Variants in TDRP observed in about 807,000 individuals in gnomAD.
TDRP encodes the protein testis development related protein, also known as testis development-related protein.
A neutral mutation model predicts 10.5 loss-of-function variants in TDRP; 12 were observed. The observed-to-expected ratio is 1.15, with a 90% CI of 0.73 to 1.86. The LOEUF (loss-of-function observed/expected upper bound fraction) is 1.86. TDRP is among the 40% of genes most tolerant of loss of function. The pLI is 0.00. For missense variants in TDRP, 353 were observed against 229.2 expected, an observed-to-expected ratio of 1.54 and a Z score of -3.49; for synonymous variants, 139 against 95.4, an observed-to-expected ratio of 1.46 and a Z score of -2.67.
intron 1 of TDRP, among the ~76,000 whole-genome samples, chr8:521,981 T>C (rs968238742): frequency 6.6e-6 from 1 of 152,232 alleles, no homozygotes; most frequent in Admixed American, 6.5e-5. Context: ...ATAAGTGTTT[T>C]ATTAATTGTT....
chr8:510,768 C>G (rs1234804865), intron 1 of TDRP, among the ~76,000 whole-genome samples: 1 of 152,212 alleles, frequency 6.6e-6, no homozygotes, highest in African/African-American at 2.4e-5. Context: ...GAACTCCATA[C>G]AGCAACTCAT....
upstream of TDRP, chr8:545,590 C>A (rs1467642244): frequency 6.6e-6 from 1 of 152,208 alleles, no homozygotes; most frequent in Non-Finnish European, 1.5e-5. Flanking sequence ...GGAGGGGGCA[C>A]AGTCCGCGGA....
intron 1 of TDRP, among the ~76,000 whole-genome samples, chr8:524,706 G>T (rs969183270): frequency 6.6e-6 from 1 of 152,154 alleles, no homozygotes; most frequent in African/African-American, 2.4e-5. Context: ...GAATTGATGA[G>T]GCAGAAGAAA....
chr8:491,422 C>G lies in TDRP; in HGVS notation c.*977G>C. On this transcript the variant is annotated 3_prime_UTR_variant, in exon 3 of 3. Coordinates refer to ENST00000324079, the MANE Select transcript of TDRP (RefSeq NM_001384899.1). ...GGATCACATTGTCAAGGACAGTAAGCAGACAGAAAAAGAACGCGAGAGATG... is the reference window on the plus strand; with the variant it reads ...GGATCACATTGTCAAGGACAGTAAGGAGACAGAAAAAGAACGCGAGAGATG... The G allele has an allele frequency of 2.0e-6, 1 of 500,308 alleles. No individual in the cohort carries two copies. The highest frequency in any genetic ancestry group is 3.4e-6 in the Non-Finnish European group (1 of 296,884). The allele number at this position is 500,308 out of a possible 1,614,324, so 31.0% of individuals were successfully genotyped here.
At chr8:496,771 G>A (rs1294240980) in intron 1 of TDRP, among the ~76,000 whole-genome samples, 1 of 152,216 alleles carries the variant, frequency 6.6e-6, no homozygotes, top group African/African-American at 2.4e-5. Flanking sequence ...CCATGTGTCA[G>A]GGGAGGGACC....
intron 1 of TDRP, among the ~76,000 whole-genome samples, chr8:512,494 A>G (rs1429583955): frequency 6.6e-6 from 1 of 152,098 alleles, no homozygotes; most frequent in African/African-American, 2.4e-5. Context: ...AAAAAAGAAG[A>G]CTTAAATTAC....
At chr8:495,896 G>A (rs931206025) in intron 1 of TDRP, among the ~76,000 whole-genome samples, 8 of 152,204 alleles carry the variant, frequency 5.3e-5, no homozygotes, top group African/African-American at 1.9e-4. Context: ...CAGGGACTAA[G>A]GGGTCCCACT....
intron 1 of TDRP, among the ~76,000 whole-genome samples, chr8:527,336 T>C (rs566099501): frequency 1.5e-4 from 23 of 152,230 alleles, no homozygotes; most frequent in Admixed American, 1.2e-3. Context: ...AATATCCATA[T>C]TGCCCAAAGC....
chr8:522,626 G>A (rs771157071), intron 1 of TDRP, among the ~76,000 whole-genome samples: 36 of 151,984 alleles, frequency 2.4e-4, no homozygotes, highest in African/African-American at 8.5e-4. Context: ...ATCTCCCTCC[G>A]CCCCATGAAA....
At chr8:497,915 C>T (rs1440427873) in intron 1 of TDRP, among the ~76,000 whole-genome samples, 1 of 152,188 alleles carries the variant, frequency 6.6e-6, no homozygotes, top group African/African-American at 2.4e-5. Flanking sequence ...GTGCAAAGCC[C>T]AAGCCTTGGT....
upstream of TDRP, chr8:545,031 T>A (rs1380925113): frequency 5.3e-4 from 128 of 243,210 alleles, 1 homozygote; most frequent in East Asian, 9.1e-3. Flanking sequence ...CCCAAACCCT[T>A]CCGAAGACCA....
intron 1 of TDRP, among the ~76,000 whole-genome samples, chr8:540,663 A>C (rs1365160372): frequency 6.6e-6 from 1 of 152,212 alleles, no homozygotes; most frequent in African/African-American, 2.4e-5. Context: ...AAGGGCCCAT[A>C]GCCTAAAAAG....
intron 1 of TDRP, among the ~76,000 whole-genome samples, chr8:524,917 G>T (rs528274655): frequency 6.6e-6 from 1 of 152,140 alleles, no homozygotes; most frequent in African/African-American, 2.4e-5. Flanking sequence ...GAGTAACAGA[G>T]AACTTCTCAA....
chr8:491,517 A>T lies in TDRP; in HGVS notation c.*882T>A. Reference sequence around the variant, plus strand: ...TCTTACAGATCTAACACCAATCACAATAGGCATCTCGCTTTGCAAGAACAA... The same window carrying T: ...TCTTACAGATCTAACACCAATCACATTAGGCATCTCGCTTTGCAAGAACAA... On this transcript the variant is annotated 3_prime_UTR_variant, in exon 3 of 3. Coordinates refer to ENST00000324079, the MANE Select transcript of TDRP (RefSeq NM_001384899.1). 8.3e-7 allele frequency: 1 copy of T among 1,210,656 alleles called. No homozygotes were observed. Among genetic ancestry groups the T allele is most frequent in the Non-Finnish European group, 1.1e-6 (1 of 888,846 alleles). The allele number at this position is 1,210,656 out of a possible 1,614,324, so 75.0% of individuals were successfully genotyped here.
chr8:518,359 G>C (rs1044551175), intron 1 of TDRP, among the ~76,000 whole-genome samples: 3 of 152,092 alleles, frequency 2.0e-5, no homozygotes, highest in Non-Finnish European at 4.4e-5. Flanking sequence ...AAAGCCAACA[G>C]GCATGGGTAC....
At chr8:523,694 G>C (rs2116830067) in intron 1 of TDRP, among the ~76,000 whole-genome samples, 1 of 152,286 alleles carries the variant, frequency 6.6e-6, no homozygotes, top group East Asian at 1.9e-4. Flanking sequence ...TGGTAGCCAA[G>C]GGGAGAGGCT....
At chr8:503,856 TGCACACACCAACACGGAA>T (rs1801379708) in intron 1 of TDRP, among the ~76,000 whole-genome samples, 1 of 100,940 alleles carries the variant, frequency 9.9e-6, no homozygotes, top group African/African-American at 4.0e-5. Context: ...TGCCCACCTC[TGCACACACCAACACGGAA>T]TCCAGAGCCA....
intron 1 of TDRP, among the ~76,000 whole-genome samples, chr8:518,422 A>G (rs916485331): frequency 1.3e-5 from 2 of 152,252 alleles, no homozygotes; most frequent in Non-Finnish European, 2.9e-5. Context: ...ATGTATTAGA[A>G]AACTTCACTA....
At chr8:498,442 T>C (rs10092226) in intron 1 of TDRP, among the ~76,000 whole-genome samples, 25,006 of 152,112 alleles carry the variant, frequency 0.16, 2,208 homozygotes, top group East Asian at 0.26. Flanking sequence ...AATTTTTCCC[T>C]TTTGTTGTGG....
Sources: allele counts gnomAD v4.1 joint callset (sites outside exome capture counted in the v4.1 genomes callset), GRCh38; gene constraint gnomAD v4.1.1; transcripts MANE v1.5; gene names NCBI Gene and HGNC (gene_info 2026-07-23, HGNC 2026-07-21).